The following GNG12 variants were observed in gnomAD, a reference collection of about 807,000 sequenced individuals.
GNG12 encodes the protein guanine nucleotide-binding protein G(I)/G(S)/G(O) subunit gamma-12.
For missense variants in GNG12, 69 were observed against 83.8 expected (o/e 0.82, Z 0.69); for synonymous variants, 28 against 29.7 (o/e 0.94, Z 0.19).
intron 2 of GNG12, among the ~76,000 whole-genome samples, chr1:67,740,013 A>G (rs1034538688): frequency 6.6e-6 from 1 of 152,238 alleles, no homozygotes; most frequent in African/African-American, 2.4e-5. Context: ...TGAACAATAA[A>G]AATTCACAAA....
intron 1 of GNG12, among the ~76,000 whole-genome samples, chr1:67,790,509 C>T (rs1646795578): frequency 6.6e-6 from 1 of 152,174 alleles, no homozygotes; most frequent in African/African-American, 2.4e-5. Context: ...CACTTCTGTG[C>T]CTATCCCTTT....
intron 1 of GNG12, among the ~76,000 whole-genome samples, chr1:67,794,497 A>T (rs578082593): frequency 6.6e-6 from 1 of 152,320 alleles, no homozygotes; most frequent in African/African-American, 2.4e-5. Context: ...GTCTCAATTT[A>T]AAAAACTTAA....
At chr1:67,799,566 A>C (rs771352385) in intron 1 of GNG12, among the ~76,000 whole-genome samples, 5 of 152,216 alleles carry the variant, frequency 3.3e-5, no homozygotes, top group Non-Finnish European at 7.3e-5. Flanking sequence ...TATACCAGCA[A>C]CTAGAACTGT....
intron 1 of GNG12, among the ~76,000 whole-genome samples, chr1:67,795,193 C>A (rs547672673): frequency 7.9e-5 from 12 of 152,190 alleles, no homozygotes; most frequent in Non-Finnish European, 1.8e-4. Context: ...AACTGCACTG[C>A]TTTTTAATAT....
At chr1:67,793,043 T>G (rs1436959897) in intron 1 of GNG12, among the ~76,000 whole-genome samples, 2 of 152,156 alleles carry the variant, frequency 1.3e-5, no homozygotes, top group Non-Finnish European at 2.9e-5. Flanking sequence ...CCAATGTCAC[T>G]CTGTGAATTC....
intron 1 of GNG12, among the ~76,000 whole-genome samples, chr1:67,791,226 A>G (rs1176045636): frequency 6.6e-6 from 1 of 152,228 alleles, no homozygotes; most frequent in Admixed American, 6.5e-5. Flanking sequence ...ATTCACACTC[A>G]TTTCTGATAA....
At chr1:67,816,846 C>T (rs1646956219) in intron 1 of GNG12, among the ~76,000 whole-genome samples, 1 of 152,192 alleles carries the variant, frequency 6.6e-6, no homozygotes, top group South Asian at 2.1e-4. Context: ...CTAACTCCAC[C>T]TTTGCCCTCT....
rs536980509 is a variant in GNG12 at position 67,804,822 on chromosome 1, G to A, written c.-76-27315C>T. On this transcript the variant is annotated intron_variant, in intron 1 of 3. Coordinates refer to ENST00000370982, the MANE Select transcript of GNG12 (RefSeq NM_018841.6). ...AGTCAGGGAGTTAAAAACTTCAGGG[G>A]AATCTAGTAATGGGGGAAGGGGAAG... is the stretch of plus-strand genomic sequence containing the variant. Among the ~76,000 whole-genome samples the A allele has an allele frequency of 1.2e-3, 187 of 152,220 alleles. 2 individuals are homozygous for A. The highest frequency in any genetic ancestry group is 1.3e-3 in the Non-Finnish European group (91 of 68,018).
At chr1:67,708,481 A>G (rs1286171900) in intron 2 of GNG12, among the ~76,000 whole-genome samples, 4 of 152,138 alleles carry the variant, frequency 2.6e-5, no homozygotes, top group South Asian at 2.1e-4. Context: ...TTACTCCATC[A>G]TATGTTCGTG....
Position 67,810,299 on chromosome 1 carries a change from C to T in GNG12, c.-77+23045G>A, listed in dbSNP as rs552132962. On this transcript the variant is annotated intron_variant, in intron 1 of 3. Coordinates refer to ENST00000370982, the MANE Select transcript of GNG12 (RefSeq NM_018841.6). ...AGAGCACACAGGACTTTTAGGACAGCGAAACTATTTTGTATAATACTACAC... is the reference window on the plus strand; with the variant it reads ...AGAGCACACAGGACTTTTAGGACAGTGAAACTATTTTGTATAATACTACAC... 8.9e-4 allele frequency among the ~76,000 whole-genome samples: 136 copies of T among 152,084 alleles called. 1 individual carries two copies. Among genetic ancestry groups the T allele is most frequent in the Non-Finnish European group, 1.6e-3 (111 of 68,018 alleles).
chr1:67,781,591 GT>G (rs1410149124), intron 1 of GNG12, among the ~76,000 whole-genome samples: 1 of 152,156 alleles, frequency 6.6e-6, no homozygotes, highest in African/African-American at 2.4e-5. Flanking sequence ...CTAATGAAGA[GT>G]TTAACAAGGT....
intron 1 of GNG12, among the ~76,000 whole-genome samples, chr1:67,832,848 T>TCCCTGTCGC (rs1263579053): frequency 1.3e-5 from 2 of 151,712 alleles, no homozygotes; most frequent in Admixed American, 1.3e-4. Flanking sequence ...GGGCGTGGCG[T>TCCCTGTCGC]CCCTGTCGCC....
intron 2 of GNG12, among the ~76,000 whole-genome samples, chr1:67,766,106 G>GCACACACACACACACATACACACA (rs1646636233): frequency 7.2e-6 from 1 of 139,836 alleles, no homozygotes; most frequent in African/African-American, 2.7e-5. Context: ...AGGCACACAC[G>GCACACACACACACACATACACACA]CACACACACA....
intron 2 of GNG12, among the ~76,000 whole-genome samples, chr1:67,763,757 C>T (rs1646620283): frequency 6.6e-6 from 1 of 152,068 alleles, no homozygotes; most frequent in South Asian, 2.1e-4. Context: ...ATCCACCCCC[C>T]TCCCACCCTA....
At chr1:67,728,700 A>T (rs1646401320) in intron 2 of GNG12, among the ~76,000 whole-genome samples, 1 of 152,180 alleles carries the variant, frequency 6.6e-6, no homozygotes, top group African/African-American at 2.4e-5. Context: ...ATTGGGGACC[A>T]GCTTATGGGA....
intron 1 of GNG12, among the ~76,000 whole-genome samples, chr1:67,787,580 G>T (rs1474820953): frequency 6.6e-6 from 1 of 152,142 alleles, no homozygotes; most frequent in Non-Finnish European, 1.5e-5. Flanking sequence ...TGACAGGGGG[G>T]ACAGCCAAGG....
intron 2 of GNG12, among the ~76,000 whole-genome samples, chr1:67,731,606 C>T (rs1024363073): frequency 6.6e-6 from 1 of 152,128 alleles, no homozygotes; most frequent in Non-Finnish European, 1.5e-5. Context: ...TTGGTTCACC[C>T]GAAGCAGAGG....
At chr1:67,800,640 A>G (rs1646859314) in intron 1 of GNG12, among the ~76,000 whole-genome samples, 1 of 152,184 alleles carries the variant, frequency 6.6e-6, no homozygotes, top group Admixed American at 6.5e-5. Flanking sequence ...AAATTATGAG[A>G]CTTAATTTTT....
At position 67,793,973 on chromosome 1, in the gene GNG12, C is replaced by T. The variant is rs74780273; in HGVS notation, c.-76-16466G>A. ...TTCGTTTACTCTTTTCTTTTGCCAT[C>T]CAAAACGGAGGAGGGGGGATAAACT... On this transcript the variant is annotated intron_variant, in intron 1 of 3. Transcript: ENST00000370982. 5.4e-3 allele frequency among the ~76,000 whole-genome samples: 825 copies of T among 152,208 alleles called. 14 individuals carry two copies. Among genetic ancestry groups the T allele is most frequent in the African/African-American group, 0.019 (803 of 41,516 alleles).
Sources: gnomAD v4.1 joint callset for allele counts (sites outside exome capture counted in the v4.1 genomes callset) on GRCh38, gnomAD v4.1.1 for gene constraint, MANE v1.5 for transcripts, NCBI Gene and HGNC (gene_info 2026-07-23, HGNC 2026-07-21) for gene names.